The following CARMIL1 variants were observed in gnomAD, a reference collection of about 807,000 sequenced individuals.
CARMIL1 encodes capping protein regulator and myosin 1 linker 1, also known as F-actin-uncapping protein LRRC16A.
CARMIL1 carries 90 observed loss-of-function variants against 177.1 expected under a neutral mutation model. That is an observed-to-expected ratio of 0.51 (90% CI 0.43 to 0.61). The LOEUF (loss-of-function observed/expected upper bound fraction) is 0.61. CARMIL1 is among the 20% of genes least tolerant of loss of function. CARMIL1 has a pLI of 0.00. For missense variants in CARMIL1, 1,380 were observed against 1,667.0 expected, an observed-to-expected ratio of 0.83 and a Z score of 3.00; for synonymous variants, 577 against 606.2, an observed-to-expected ratio of 0.95 and a Z score of 0.71.
chr6:25,570,268 C>T (rs1405606641), intron 29 of CARMIL1, among the ~76,000 whole-genome samples: 3 of 152,278 alleles, frequency 2.0e-5, no homozygotes, highest in Non-Finnish European at 2.9e-5. Context: ...CTGGCATTTT[C>T]CCACTTTTTA....
intron 2 of CARMIL1, among the ~76,000 whole-genome samples, chr6:25,310,535 C>CTA (rs1196626894): frequency 6.6e-6 from 1 of 152,188 alleles, no homozygotes; most frequent in Non-Finnish European, 1.5e-5. Context: ...TTTTCAGTAG[C>CTA]TATATGAGCG....
rs1474560995 is a variant in CARMIL1, at chr6:25,554,441, T to G, written c.2592+345T>G. 6.6e-6 allele frequency among the ~76,000 whole-genome samples: 1 copy of G among 152,226 alleles called. No individual in the cohort carries two copies. The highest frequency in any genetic ancestry group is 1.5e-5 in the Non-Finnish European group (1 of 68,036). On this transcript the variant is annotated intron_variant, in intron 28 of 36. Transcript: ENST00000329474. The surrounding 1 kb of genome is among the most constrained non-coding windows in gnomAD (Gnocchi z 4.6). ...TTTGCTCATTTTGTTGTTGATATGA[T>G]TATTTGATAATGGACTATTCTAAAA...
intron 5 of CARMIL1, among the ~76,000 whole-genome samples, chr6:25,442,440 TTCTG>T (rs1178005137): frequency 2.2e-4 from 33 of 150,820 alleles, no homozygotes; most frequent in Admixed American, 2.0e-3. Context: ...TCCTCTGTCT[TTCTG>T]TCTATTTAAC....
chr6:25,514,883 C>A (rs1805816154), intron 20 of CARMIL1, among the ~76,000 whole-genome samples: 2 of 151,348 alleles, frequency 1.3e-5, no homozygotes, highest in Admixed American at 1.3e-4. Context: ...GTGATTGCAC[C>A]ACTGCACTCC....
In CARMIL1 at chr6:25,390,293, CATATATATAT is replaced by C. The variant is rs397887367; in HGVS notation, c.139-29802_139-29793del. Among the ~76,000 whole-genome samples the C allele has an allele frequency of 7.3e-3, 622 of 84,852 alleles. 41 individuals are homozygous for C. Among genetic ancestry groups the C allele is most frequent in the African/African-American group, 0.012 (273 of 22,916 alleles). 55.7% of individuals were successfully genotyped at this position (84,852 alleles called of 152,430 possible). ...ATATATAGGTACACATATATATTTA[CATATATATAT>C]ATATATATATATATATATTTTTTTT... On this transcript the variant is annotated intron_variant, in intron 2 of 36. Transcript: ENST00000329474.
At chr6:25,347,977 C>T (rs1006070657) in intron 2 of CARMIL1, among the ~76,000 whole-genome samples, 1 of 152,178 alleles carries the variant, frequency 6.6e-6, no homozygotes, top group East Asian at 1.9e-4. Flanking sequence ...TAAGTCCTCA[C>T]TTAATGTCAT....
intron 11 of CARMIL1, among the ~76,000 whole-genome samples, chr6:25,478,524 C>T (rs969132493): frequency 2.0e-5 from 3 of 152,260 alleles, no homozygotes; most frequent in African/African-American, 4.8e-5. Context: ...TGGCTGGGCA[C>T]GGTGGCTCAC....
intron 31 of CARMIL1, among the ~76,000 whole-genome samples, chr6:25,590,810 A>G (rs1814219748): frequency 6.6e-6 from 1 of 152,096 alleles, no homozygotes; most frequent in Non-Finnish European, 1.5e-5. Context: ...TGATAGCTTT[A>G]ATCTCTTATA....
At chr6:25,497,944 T>G (rs1447727173) in intron 16 of CARMIL1, among the ~76,000 whole-genome samples, 1 of 152,034 alleles carries the variant, frequency 6.6e-6, no homozygotes, top group Non-Finnish European at 1.5e-5. Context: ...TTCAAGGGGG[T>G]TTAGAGAACA....
In CARMIL1 at chr6:25,515,191, G is replaced by C. The variant is rs184617462; in HGVS notation, c.1633-484G>C. 1.3e-3 allele frequency among the ~76,000 whole-genome samples: 203 copies of C among 152,206 alleles called. 2 individuals are homozygous for C. The highest frequency in any genetic ancestry group is 1.3e-3 in the Non-Finnish European group (90 of 68,014). ...TTAAGTGAATTAATATACATAAAAA[G>C]CTTAAATGGTGGTTAAACATAGTAA... On this transcript the variant is annotated intron_variant, in intron 20 of 36. Coordinates refer to ENST00000329474, the MANE Select transcript of CARMIL1 (RefSeq NM_017640.6). This position sits in a 1 kb window ranked among gnomAD's most constrained non-coding sequence, Gnocchi z 5.0.
intron 2 of CARMIL1, among the ~76,000 whole-genome samples, chr6:25,355,772 A>G (rs374595336): frequency 1.1e-3 from 167 of 152,346 alleles, no homozygotes; most frequent in South Asian, 8.3e-3. Flanking sequence ...AAATTTTTTA[A>G]TTCTGGTAAA....
At chr6:25,376,136 A>T (rs1180987517) in intron 2 of CARMIL1, among the ~76,000 whole-genome samples, 1 of 152,208 alleles carries the variant, frequency 6.6e-6, no homozygotes, top group East Asian at 1.9e-4. Context: ...GCTGGAGTGC[A>T]ATGGCACGAT....
chr6:25,379,797 A>G (rs1791352236), intron 2 of CARMIL1, among the ~76,000 whole-genome samples: 2 of 152,160 alleles, frequency 1.3e-5, no homozygotes, highest in South Asian at 4.1e-4. Flanking sequence ...CAAAAGGCTC[A>G]CTTGCTTTTT....
Position 25,495,100 on chromosome 6 carries a change from G to A in CARMIL1, c.1221-11G>A, listed in dbSNP as rs1803574930. The A allele has an allele frequency of 2.5e-6, 4 of 1,569,548 alleles. No individual in the cohort carries two copies. The highest frequency in any genetic ancestry group is 3.5e-6 in the Non-Finnish European group (4 of 1,141,330). ...GTGTAACCGCTTGTGTAACTCTTGTGTTTTTTTCAGGAAAGGAAAAGAAGT... is the reference window on the plus strand; with the variant it reads ...GTGTAACCGCTTGTGTAACTCTTGTATTTTTTTCAGGAAAGGAAAAGAAGT... On this transcript the variant is annotated splice_polypyrimidine_tract_variant and intron_variant, in intron 15 of 36. Coordinates refer to ENST00000329474, the MANE Select transcript of CARMIL1 (RefSeq NM_017640.6).
intron 13 of CARMIL1, 39 bp downstream of exon 13, chr6:25,488,624 G>C (rs1802904985): frequency 1.4e-6 from 2 of 1,478,904 alleles, no homozygotes; most frequent in African/African-American, 2.8e-5. Context: ...CGAAGAAGCT[G>C]TGTTTAATAA....
chr6:25,533,890 A>G (rs1396575481), intron 24 of CARMIL1, among the ~76,000 whole-genome samples: 2 of 152,080 alleles, frequency 1.3e-5, no homozygotes, highest in African/African-American at 2.4e-5. Context: ...CTGAGATATC[A>G]GTCATTAAGA....
chr6:25,454,677 A>G (rs1382326664), intron 8 of CARMIL1, among the ~76,000 whole-genome samples: 1 of 152,218 alleles, frequency 6.6e-6, no homozygotes, highest in African/African-American at 2.4e-5. Flanking sequence ...TCTTACTATT[A>G]AAATTAGAGC....
intron 2 of CARMIL1, among the ~76,000 whole-genome samples, chr6:25,418,712 T>C (rs1272640320): frequency 6.6e-6 from 1 of 152,166 alleles, no homozygotes; most frequent in Non-Finnish European, 1.5e-5. Context: ...TAGAAGTCAT[T>C]TATTAATGGC....
At chr6:25,542,324 A>G (rs1380631461) in intron 26 of CARMIL1, among the ~76,000 whole-genome samples, 1 of 152,214 alleles carries the variant, frequency 6.6e-6, no homozygotes, top group Non-Finnish European at 1.5e-5. Context: ...TCCGAAGTAT[A>G]ACAATTTGAA....
Sources: gnomAD v4.1 joint callset for allele counts (sites outside exome capture counted in the v4.1 genomes callset) on GRCh38, gnomAD v4.1.1 for gene constraint, Gnocchi (gnomAD v3.1) non-coding constraint, MANE v1.5 for transcripts, NCBI Gene and HGNC (gene_info 2026-07-23, HGNC 2026-07-21) for gene names.